The following LSAMP variants were observed in gnomAD, a reference collection of about 807,000 sequenced individuals.
LSAMP encodes limbic system-associated membrane protein.
LSAMP carries 7 observed loss-of-function variants against 38.6 expected under a neutral mutation model. The ratio of observed to expected loss-of-function variants is 0.18; its 90% CI spans 0.10 to 0.34. The LOEUF is 0.34. Among genes scored for constraint, LSAMP ranks in the 10% least tolerant of loss-of-function variants. LSAMP has a pLI of 1.00. For synonymous variants in LSAMP, 154 were observed against 166.8 expected (o/e 0.92, Z 0.59); for missense variants, 313 against 420.0 (o/e 0.75, Z 2.23).
chr3:115,815,964 G>A (rs1216207091), intron 6 of LSAMP, among the ~76,000 whole-genome samples: 12 of 152,064 alleles, frequency 7.9e-5, no homozygotes, highest in African/African-American at 1.2e-4. Flanking sequence ...TGTAAGTTCC[G>A]CAAGAATAGA....
chr3:116,313,351 A>T (rs996833282), intron 1 of LSAMP, among the ~76,000 whole-genome samples: 2 of 152,194 alleles, frequency 1.3e-5, no homozygotes, highest in African/African-American at 4.8e-5. Flanking sequence ...CACATTAGCA[A>T]TACAGAGTGA....
At chr3:116,128,581 A>G (rs149434130) in intron 1 of LSAMP, among the ~76,000 whole-genome samples, 59 of 152,348 alleles carry the variant, frequency 3.9e-4, no homozygotes, top group Non-Finnish European at 7.5e-4. Context: ...AGAATGGACA[A>G]AATCTAGAAA....
At chr3:116,225,515 C>T (rs1263689385) in intron 1 of LSAMP, among the ~76,000 whole-genome samples, 2 of 152,182 alleles carry the variant, frequency 1.3e-5, no homozygotes, top group South Asian at 2.1e-4. Context: ...GAAACTAATA[C>T]AACCCTTCTA....
intron 3 of LSAMP, among the ~76,000 whole-genome samples, chr3:115,866,448 T>A (rs11719516): frequency 6.6e-6 from 1 of 152,022 alleles, no homozygotes; most frequent in African/African-American, 2.4e-5. Context: ...CAAAGTTGAA[T>A]AAGAAAATGT....
chr3:116,444,730 CCACA>C, intron 1 of LSAMP, 143 bp downstream of exon 1: 18 of 942,754 alleles, frequency 1.9e-5, no homozygotes, highest in Non-Finnish European at 2.6e-5. Context: ...CACACACACA[CCACA>C]CACACACACA....
At chr3:116,332,874 A>G (rs1301570012) in intron 1 of LSAMP, among the ~76,000 whole-genome samples, 3 of 152,114 alleles carry the variant, frequency 2.0e-5, no homozygotes, top group Admixed American at 6.6e-5. Flanking sequence ...AACTTAAAAT[A>G]AAATAGTTTA....
intron 3 of LSAMP, among the ~76,000 whole-genome samples, chr3:115,966,268 A>T (rs1399460441): frequency 1.3e-5 from 2 of 152,232 alleles, no homozygotes; most frequent in Non-Finnish European, 2.9e-5. Context: ...TGTTCATACA[A>T]GTTAACCTAT....
intron 3 of LSAMP, among the ~76,000 whole-genome samples, chr3:115,912,841 T>G (rs2107508001): frequency 6.6e-6 from 1 of 152,318 alleles, no homozygotes; most frequent in East Asian, 1.9e-4. Flanking sequence ...CTTCCTCAAC[T>G]CTGGGATATA....
At chr3:115,943,828 A>G (rs1030116602) in intron 3 of LSAMP, among the ~76,000 whole-genome samples, 7 of 152,166 alleles carry the variant, frequency 4.6e-5, no homozygotes, top group Non-Finnish European at 7.4e-5. Flanking sequence ...CTGCTTCACC[A>G]AAAACACCTG....
At chr3:116,434,128 C>T (rs1477833565) in intron 1 of LSAMP, among the ~76,000 whole-genome samples, 1 of 152,146 alleles carries the variant, frequency 6.6e-6, no homozygotes, top group Admixed American at 6.5e-5. Flanking sequence ...CTCTTCAACC[C>T]CACATCCACA....
chr3:116,176,159 A>G (rs566141518), intron 1 of LSAMP, among the ~76,000 whole-genome samples: 1 of 152,262 alleles, frequency 6.6e-6, no homozygotes, highest in South Asian at 2.1e-4. Context: ...GAAATGCAGA[A>G]ATATAACTGG....
intron 3 of LSAMP, among the ~76,000 whole-genome samples, chr3:115,925,670 G>A (rs1347268496): frequency 6.6e-6 from 1 of 152,142 alleles, no homozygotes; most frequent in Admixed American, 6.5e-5. Flanking sequence ...CATTTTGAAA[G>A]TTCTTTGAAT....
At chr3:116,356,048 C>T (rs1199040546) in intron 1 of LSAMP, among the ~76,000 whole-genome samples, 5 of 152,110 alleles carry the variant, frequency 3.3e-5, no homozygotes, top group Non-Finnish European at 5.9e-5. Context: ...AATAGAATTA[C>T]CATATGATCA....
chr3:116,355,486 T>C (rs1398170840), intron 1 of LSAMP, among the ~76,000 whole-genome samples: 1 of 152,162 alleles, frequency 6.6e-6, no homozygotes, highest in Non-Finnish European at 1.5e-5. Context: ...ATGAAATTAC[T>C]AAAGAAAACA....
chr3:116,024,288 T>C (rs1940726329), intron 2 of LSAMP, among the ~76,000 whole-genome samples: 1 of 152,182 alleles, frequency 6.6e-6, no homozygotes, highest in Non-Finnish European at 1.5e-5. Context: ...CAAAAAGTGC[T>C]TGAAAAAAAT....
At chr3:116,257,338 A>G (rs957529053) in intron 1 of LSAMP, among the ~76,000 whole-genome samples, 11 of 152,156 alleles carry the variant, frequency 7.2e-5, no homozygotes, top group African/African-American at 1.9e-4. Context: ...ACTATGCAAA[A>G]TGTTCTTTTT....
chr3:116,380,083 T>C (rs954175361), intron 1 of LSAMP, among the ~76,000 whole-genome samples: 4 of 151,822 alleles, frequency 2.6e-5, no homozygotes, highest in African/African-American at 9.7e-5. Flanking sequence ...TAAAATTCCA[T>C]GCTACCCATT....
At chr3:115,897,702 A>G (rs190503819) in intron 3 of LSAMP, among the ~76,000 whole-genome samples, 139 of 152,224 alleles carry the variant, frequency 9.1e-4, no homozygotes, top group Middle Eastern at 3.4e-3. Flanking sequence ...GGTGTGTGAC[A>G]GTTTAATAGT....
chr3:116,147,488 T>C (rs958675231), intron 1 of LSAMP, among the ~76,000 whole-genome samples: 1 of 151,970 alleles, frequency 6.6e-6, no homozygotes, highest in African/African-American at 2.4e-5. Context: ...ATAAGTTTAA[T>C]TTCACATAAC....
Sources: allele counts gnomAD v4.1 joint callset (sites outside exome capture counted in the v4.1 genomes callset), GRCh38; gene constraint gnomAD v4.1.1; transcripts MANE v1.5; gene names NCBI Gene and HGNC (gene_info 2026-07-23, HGNC 2026-07-21).